The following HDAC4 variants were observed in gnomAD, a reference collection of about 807,000 sequenced individuals.
The protein encoded by HDAC4 is histone deacetylase A.
Under a neutral mutation model 135.1 loss-of-function variants are expected in HDAC4, and 16 were observed. That is an observed-to-expected ratio of 0.12 (90% confidence interval 0.08 to 0.18). The LOEUF is 0.18. HDAC4 is among the 10% of genes least tolerant of loss of function. The pLI is 1.00. For missense variants in HDAC4, 1,143 were observed against 1,511.8 expected (o/e 0.76, Z 4.05); for synonymous variants, 685 against 653.4 (o/e 1.05, Z -0.74).
intron 1 of HDAC4, among the ~76,000 whole-genome samples, chr2:239,380,738 AAC>A (rs1321710811): frequency 6.6e-6 from 1 of 152,172 alleles, no homozygotes; most frequent in Non-Finnish European, 1.5e-5. Context: ...AAAAGCCGGA[AAC>A]ACACACACAA....
chr2:239,284,142 C>G (rs1172527282), intron 2 of HDAC4, among the ~76,000 whole-genome samples: 3 of 152,252 alleles, frequency 2.0e-5, no homozygotes, highest in Middle Eastern at 6.3e-3. Flanking sequence ...CCATCACAGG[C>G]CGCAGACACA....
At chr2:239,370,054 C>T (rs571359555) in intron 1 of HDAC4, among the ~76,000 whole-genome samples, 100 of 152,374 alleles carry the variant, frequency 6.6e-4, no homozygotes, top group African/African-American at 2.3e-3. Context: ...GAGAAAAGCA[C>T]GCCCAGATGC....
intron 13 of HDAC4, among the ~76,000 whole-genome samples, chr2:239,114,364 G>A (rs1256450598): frequency 1.3e-5 from 2 of 152,206 alleles, no homozygotes; most frequent in African/African-American, 4.8e-5. Context: ...TGGTTCCTCG[G>A]ACTGGCTTCC....
chr2:239,103,971 C>A (rs984506129), intron 15 of HDAC4, among the ~76,000 whole-genome samples: 4 of 151,230 alleles, frequency 2.6e-5, no homozygotes, highest in African/African-American at 7.3e-5. Context: ...GGATGCTCTG[C>A]GGGTTCTCTT....
At chr2:239,369,111 T>C (rs1214238465) in intron 1 of HDAC4, among the ~76,000 whole-genome samples, 1 of 152,024 alleles carries the variant, frequency 6.6e-6, no homozygotes, top group African/African-American at 2.4e-5. Context: ...TCCTCTCTGT[T>C]TGACAAGACA....
chr2:239,288,303 T>C (rs1419267815), intron 2 of HDAC4, among the ~76,000 whole-genome samples: 1 of 152,170 alleles, frequency 6.6e-6, no homozygotes, highest in Non-Finnish European at 1.5e-5. Flanking sequence ...TCCATGAACT[T>C]AACTTGAAAA....
In HDAC4 at chr2:239,176,566, G is replaced by C; in HGVS notation, c.340-3C>G. On this transcript the variant is annotated splice_polypyrimidine_tract_variant and splice_region_variant and intron_variant, in intron 4 of 26. Coordinates refer to ENST00000543185, the MANE Select transcript of HDAC4 (RefSeq NM_001378414.1). ...ATGGCCAGCATCTCCTGTTGTTGCT[G>C]CAAGTGGAAGGAGGAGACAGACGGT... 1.2e-6 allele frequency: 2 copies of C among 1,612,388 alleles called. No homozygotes were observed. Among genetic ancestry groups the C allele is most frequent in the Non-Finnish European group, 1.7e-6 (2 of 1,179,770 alleles).
At chr2:239,104,484 C>T (rs1015962287) in intron 15 of HDAC4, among the ~76,000 whole-genome samples, 1 of 152,222 alleles carries the variant, frequency 6.6e-6, no homozygotes, top group Non-Finnish European at 1.5e-5. Context: ...CCCGCCACGG[C>T]CTCCCAAAGT....
At chr2:239,343,045 A>G (rs1379037864) in intron 2 of HDAC4, among the ~76,000 whole-genome samples, 2 of 152,226 alleles carry the variant, frequency 1.3e-5, no homozygotes, top group South Asian at 2.1e-4. Context: ...CATCCCCACC[A>G]ATGCGTATCA....
chr2:239,205,922 T>TC (rs1381941015), intron 3 of HDAC4, among the ~76,000 whole-genome samples: 2 of 152,148 alleles, frequency 1.3e-5, no homozygotes, highest in African/African-American at 4.8e-5. Flanking sequence ...CAGTAACGTT[T>TC]CACCTTAACT....
In HDAC4 at chr2:239,313,440, G is replaced by C. The variant is rs757667291; in HGVS notation, c.22+39238C>G. ...AACCAAGTATCCCCAGGCTGCCCAG[G>C]AGCCCGCTCCTCCAATTGGGGGCTG... On this transcript the variant is annotated intron_variant, in intron 2 of 26. Transcript: ENST00000543185. This position sits in a 1 kb window ranked among gnomAD's most constrained non-coding sequence, Gnocchi z 5.1. 1.3e-5 allele frequency among the ~76,000 whole-genome samples: 2 copies of C among 151,922 alleles called. No individual in the cohort carries two copies. Among genetic ancestry groups the C allele is most frequent in the Non-Finnish European group, 2.9e-5 (2 of 67,982 alleles).
chr2:239,397,847 T>C (rs1559408763), intron 1 of HDAC4, among the ~76,000 whole-genome samples: 1 of 152,024 alleles, frequency 6.6e-6, no homozygotes, highest in Non-Finnish European at 1.5e-5. Context: ...AACCAGAAGG[T>C]GCAGTACCCG....
At chr2:239,104,193 G>A (rs1016427198) in intron 15 of HDAC4, among the ~76,000 whole-genome samples, 8 of 152,300 alleles carry the variant, frequency 5.3e-5, no homozygotes, top group Middle Eastern at 3.4e-3. Flanking sequence ...TCAGGGTGCA[G>A]TTGGGGCCCT....
chr2:239,191,677 G>A (rs1207872375), intron 3 of HDAC4, among the ~76,000 whole-genome samples: 7 of 152,212 alleles, frequency 4.6e-5, no homozygotes. Context: ...GGTGCCCAGG[G>A]TGAGGGGTGC....
chr2:239,087,716 C>A (rs750014174), intron 18 of HDAC4, 102 bp from the exon 19 acceptor site: 1 of 1,076,316 alleles, frequency 9.3e-7, no homozygotes, highest in East Asian at 2.5e-5. Context: ...TTGGGCTACA[C>A]AGGAGGACAG....
At chr2:239,398,890 A>AG (rs1696744908) in intron 1 of HDAC4, among the ~76,000 whole-genome samples, 1 of 152,224 alleles carries the variant, frequency 6.6e-6, no homozygotes, top group South Asian at 2.1e-4. Flanking sequence ...AACCCTAAAG[A>AG]GGGCAGCGTT....
intron 23 of HDAC4, among the ~76,000 whole-genome samples, chr2:239,067,589 G>A (rs1437016658): frequency 1.3e-5 from 2 of 152,346 alleles, no homozygotes; most frequent in African/African-American, 2.4e-5. Flanking sequence ...GCTCCGGGCC[G>A]GGTGCTGTGG....
intron 18 of HDAC4, among the ~76,000 whole-genome samples, chr2:239,089,263 G>A (rs2036268742): frequency 6.6e-6 from 1 of 152,214 alleles, no homozygotes; most frequent in Non-Finnish European, 1.5e-5. Flanking sequence ...CGCCGGGCAG[G>A]TGTGAGAACC....
chr2:239,270,269 C>T (rs78982078), intron 2 of HDAC4, among the ~76,000 whole-genome samples: 441 of 152,292 alleles, frequency 2.9e-3, no homozygotes, highest in African/African-American at 0.01. Flanking sequence ...AACAGAAAAG[C>T]GCCGTTGGTG....
Sources: allele counts gnomAD v4.1 joint callset (sites outside exome capture counted in the v4.1 genomes callset), GRCh38; gene constraint gnomAD v4.1.1; non-coding constraint Gnocchi (gnomAD v3.1); transcripts MANE v1.5; gene names NCBI Gene and HGNC (gene_info 2026-07-23, HGNC 2026-07-21).